SUGT1: variants seen among roughly 807,000 people sequenced by gnomAD.
SUGT1 encodes the protein SGT1 assembly cochaperone of MIS12 kinetochore complex.
In SUGT1, 15 loss-of-function variants were observed where a neutral mutation model predicts 56.1. The observed-to-expected ratio is 0.27, with a 90% CI of 0.18 to 0.41. The LOEUF (loss-of-function observed/expected upper bound fraction) is 0.41, where lower values mean the gene tolerates loss of function less well. SUGT1 is among the 10% of genes least tolerant of loss of function. The pLI, the probability that SUGT1 is intolerant of heterozygous loss-of-function variation, is 1.00. For missense variants in SUGT1, 347 were observed against 382.2 expected, an observed-to-expected ratio of 0.91 and a Z score of 0.77; for synonymous variants, 123 against 128.6, an observed-to-expected ratio of 0.96 and a Z score of 0.30.
intron 4 of SUGT1, 27 bp from the exon 5 acceptor site, chr13:52,659,152 T>G: frequency 6.6e-7 from 1 of 1,514,296 alleles, no homozygotes; most frequent in Non-Finnish European, 8.8e-7. Flanking sequence ...TTGTGTGTCT[T>G]AATTTGTTTT....
chr13:52,654,681 A>T (rs1258428516), intron 2 of SUGT1, among the ~76,000 whole-genome samples: 1 of 152,242 alleles, frequency 6.6e-6, no homozygotes, highest in Non-Finnish European at 1.5e-5. Flanking sequence ...AAACAGAATC[A>T]TACAGTAGGT....
In SUGT1 at chr13:52,694,317, A is replaced by G. The variant is rs552112282; in HGVS notation, c.*6482A>G. On this transcript the variant is annotated 3_prime_UTR_variant, in exon 13 of 13. Coordinates refer to ENST00000310528, the MANE Select transcript of SUGT1 (RefSeq NM_006704.5). Reference sequence around the variant, plus strand: ...TAAGTTCAGTCTTTCAAGATGTGGAATTCTGTCTGAGGAAAGTATATCACC... The same window carrying G: ...TAAGTTCAGTCTTTCAAGATGTGGAGTTCTGTCTGAGGAAAGTATATCACC... The G allele has an allele frequency of 5.9e-4, 90 of 152,332 alleles. No individual in the cohort carries two copies. The highest frequency in any genetic ancestry group is 1.5e-3 in the Admixed American group (23 of 15,300). 9.4% of individuals were successfully genotyped at this position (152,332 alleles called of 1,614,324 possible). A position where few individuals can be genotyped will look rare whatever the true frequency, so the allele number is the denominator to read the frequency against.
chr13:52,659,726 G>A (rs1214530087), intron 5 of SUGT1, among the ~76,000 whole-genome samples: 1 of 144,528 alleles, frequency 6.9e-6, no homozygotes, highest in African/African-American at 2.6e-5. Flanking sequence ...ATTCTTGAGG[G>A]AATATATGAA....
At position 52,659,416 on chromosome 13, in the gene SUGT1, G is replaced by A. The variant is rs1962318018; in HGVS notation, c.328+167G>A. Among the ~76,000 whole-genome samples the A allele has an allele frequency of 1.3e-5, 2 of 151,860 alleles. 1 individual carries two copies. Among genetic ancestry groups the A allele is most frequent in the South Asian group, 4.2e-4 (2 of 4,814 alleles). ...TGCAGATATGAGATCACTTAAAATC[G>A]ATTAAATTAGCCTTTTGGCATTTAA... is the stretch of plus-strand genomic sequence containing the variant. On this transcript the variant is annotated intron_variant, in intron 5 of 12. Coordinates refer to ENST00000310528, the MANE Select transcript of SUGT1 (RefSeq NM_006704.5).
At position 52,692,248 on chromosome 13, in the gene SUGT1, A is replaced by G. The variant is rs927265570; in HGVS notation, c.*4413A>G. 6 of 152,178 alleles carry G rather than the reference A, an allele frequency of 3.9e-5. No homozygotes were observed. The highest frequency in any genetic ancestry group is 1.4e-4 in the African/African-American group (6 of 41,434). 9.4% of individuals were successfully genotyped at this position (152,178 alleles called of 1,614,324 possible). A position where few individuals can be genotyped will look rare whatever the true frequency, so the allele number is the denominator to read the frequency against. The stretch of plus-strand genomic sequence containing the variant: ...GTCACTCTACTAGTAAGTAATTGCA[A>G]TAGCTGGGATTTGAACCCAGGCCTA... On this transcript the variant is annotated 3_prime_UTR_variant, in exon 13 of 13. Transcript: ENST00000310528.
chr13:52,669,185 T>A (rs1472379381), intron 10 of SUGT1, among the ~76,000 whole-genome samples: 2 of 152,216 alleles, frequency 1.3e-5, no homozygotes, highest in East Asian at 3.9e-4. Context: ...CTCGTTTCTG[T>A]GTAAGTCTTT....
intron 11 of SUGT1, among the ~76,000 whole-genome samples, chr13:52,679,142 T>C (rs144039011): frequency 2.3e-4 from 35 of 152,354 alleles, no homozygotes; most frequent in Middle Eastern, 3.4e-3. Flanking sequence ...TATATTTTCA[T>C]TGGATAGTCA....
chr13:52,673,589 G>T (rs980361982), intron 10 of SUGT1, among the ~76,000 whole-genome samples: 10 of 152,206 alleles, frequency 6.6e-5, no homozygotes, highest in Admixed American at 5.9e-4. Context: ...CAGTTACTCA[G>T]GTTATAGTGG....
rs775741207 is a variant in SUGT1 at position 52,684,033 on chromosome 13, G to A, written c.901-3701G>A. On this transcript the variant is annotated intron_variant, in intron 12 of 12. Coordinates refer to ENST00000310528, the MANE Select transcript of SUGT1 (RefSeq NM_006704.5). ...GTAGCTGGGACTACAGGCATGTGCCGTCACATCCAACTAATTTATTTTAAT... is the reference window on the plus strand; with the variant it reads ...GTAGCTGGGACTACAGGCATGTGCCATCACATCCAACTAATTTATTTTAAT... 4.1e-4 allele frequency among the ~76,000 whole-genome samples: 62 copies of A among 151,952 alleles called. 1 individual carries two copies. Among genetic ancestry groups the A allele is most frequent in the Non-Finnish European group, 7.7e-4 (52 of 67,952 alleles).
chr13:52,662,546 A>AGTTGG, intron 5 of SUGT1, 103 bp from the exon 6 acceptor site: 1 of 1,148,062 alleles, frequency 8.7e-7, no homozygotes, highest in South Asian at 1.5e-5. Flanking sequence ...CCGACTCCCC[A>AGTTGG]GTGCCTAGAA....
intron 10 of SUGT1, among the ~76,000 whole-genome samples, chr13:52,675,650 TTGAA>T (rs1963111032): frequency 6.6e-6 from 1 of 152,194 alleles, no homozygotes; most frequent in Admixed American, 6.5e-5. Flanking sequence ...TAATTATTTG[TTGAA>T]TGAAAGATTG....
chr13:52,673,186 A>G (rs1963007579), intron 10 of SUGT1, among the ~76,000 whole-genome samples: 1 of 152,204 alleles, frequency 6.6e-6, no homozygotes, highest in Admixed American at 6.5e-5. Context: ...ACAAACATTG[A>G]AAGTGAATTA....
At chr13:52,662,880 G>A (rs1170022378) in intron 6 of SUGT1, among the ~76,000 whole-genome samples, 178 bp downstream of exon 6, 2 of 152,046 alleles carry the variant, frequency 1.3e-5, no homozygotes, top group Non-Finnish European at 2.9e-5. Flanking sequence ...GTTGAAAGGG[G>A]GATTTGGGTG....
At chr13:52,662,540 CTCCCCA>C in intron 5 of SUGT1, 103 bp from the exon 6 acceptor site, 2 of 1,041,470 alleles carry the variant, frequency 1.9e-6, no homozygotes, top group Admixed American at 2.1e-5. Context: ...TCGCTGCCGA[CTCCCCA>C]GTGCCTAGAA....
At position 52,690,660 on chromosome 13, in the gene SUGT1, A is replaced by G. The variant is rs895826026; in HGVS notation, c.*2825A>G. The stretch of plus-strand genomic sequence containing the variant: ...TATCTAGTAATCTCTTTAGATATCT[A>G]TACCACAAGTTTGAAACATCAAGGT... On this transcript the variant is annotated 3_prime_UTR_variant, in exon 13 of 13. Coordinates refer to ENST00000310528, the MANE Select transcript of SUGT1 (RefSeq NM_006704.5). 1 of 152,176 alleles carries G rather than the reference A, an allele frequency of 6.6e-6. No homozygotes were observed. The highest frequency in any genetic ancestry group is 1.5e-5 in the Non-Finnish European group (1 of 68,036). 9.4% of individuals were successfully genotyped at this position (152,176 alleles called of 1,614,324 possible). A position where few individuals can be genotyped will look rare whatever the true frequency, so the allele number is the denominator to read the frequency against.
chr13:52,655,176 T>A (rs1962102594), intron 2 of SUGT1, among the ~76,000 whole-genome samples: 1 of 152,152 alleles, frequency 6.6e-6, no homozygotes, highest in Non-Finnish European at 1.5e-5. Flanking sequence ...AAACCCCGTC[T>A]CTATTAAAAA....
intron 2 of SUGT1, among the ~76,000 whole-genome samples, chr13:52,653,934 T>A (rs968681730): frequency 6.6e-6 from 1 of 152,200 alleles, no homozygotes; most frequent in African/African-American, 2.4e-5. Context: ...ATGTGCCACA[T>A]GGTACTAGAG....
In SUGT1 at chr13:52,699,868, A is replaced by G. The variant is rs563972139; in HGVS notation, c.*12033A>G. The G allele has an allele frequency of 2.0e-5, 3 of 152,314 alleles. No individual in the cohort carries two copies. Among genetic ancestry groups the G allele is most frequent in the African/African-American group, 4.8e-5 (2 of 41,572 alleles). The allele number at this position is 152,314 out of a possible 1,614,324, so 9.4% of individuals were successfully genotyped here. On this transcript the variant is annotated 3_prime_UTR_variant, in exon 13 of 13. Transcript: ENST00000310528. ...AATTTCAAGTAAGTTTGCAAATGCA[A>G]TGCTAGTAAAAAGTATATAGAGGTA... is the stretch of plus-strand genomic sequence containing the variant.
chr13:52,658,070 T>C, intron 3 of SUGT1: 2 of 1,213,910 alleles, frequency 1.6e-6, no homozygotes, highest in Non-Finnish European at 2.1e-6. Context: ...AAAAGTAATG[T>C]ATTTCTGTAT....
Sources: gnomAD v4.1 joint callset for allele counts (sites outside exome capture counted in the v4.1 genomes callset) on GRCh38, gnomAD v4.1.1 for gene constraint, MANE v1.5 for transcripts, NCBI Gene and HGNC (gene_info 2026-07-23, HGNC 2026-07-21) for gene names.